The following ABCA1 variants were observed in gnomAD, a reference collection of about 807,000 sequenced individuals.
ABCA1 encodes the protein phospholipid-transporting ATPase ABCA1.
ABCA1 carries 133 observed loss-of-function variants against 262.5 expected under a neutral mutation model. That is an observed-to-expected ratio of 0.51 (90% confidence interval 0.44 to 0.59). The LOEUF is 0.59. Among genes scored for constraint, ABCA1 ranks in the 20% least tolerant of loss-of-function variants. The pLI is 0.00. For synonymous variants in ABCA1, 1,022 were observed against 1,043.5 expected (o/e 0.98, Z 0.40); for missense variants, 2,452 against 2,777.5 (o/e 0.88, Z 2.63).
rs999422560 is a variant in ABCA1 at position 104,781,644 on chromosome 9, G to GT, written c.*2670dup. The GT allele has an allele frequency of 8.5e-5, 13 of 152,584 alleles. No individual in the cohort carries two copies. Among genetic ancestry groups the GT allele is most frequent in the African/African-American group, 3.1e-4 (13 of 41,450 alleles). The allele number at this position is 152,584 out of a possible 1,614,324, so 9.5% of individuals were successfully genotyped here. ...AAATACAGTAGTGTGAGGTTTGGTT[G>GT]TTTTTTAACAATGAATTGTGCTGGG... On this transcript the variant is annotated 3_prime_UTR_variant, in exon 50 of 50. Transcript: ENST00000374736.
At chr9:104,801,704 G>A (rs1830354480) in intron 34 of ABCA1, among the ~76,000 whole-genome samples, 1 of 151,992 alleles carries the variant, frequency 6.6e-6, no homozygotes, top group African/African-American at 2.4e-5. Flanking sequence ...ACCAAGCCCA[G>A]CTAATTTTTT....
intron 1 of ABCA1, among the ~76,000 whole-genome samples, chr9:104,905,198 A>G (rs1323318523): frequency 6.6e-6 from 1 of 152,214 alleles, no homozygotes; most frequent in South Asian, 2.1e-4. Flanking sequence ...GACACTGGGC[A>G]TGAGGAACAA....
intron 48 of ABCA1, 25 bp from the exon 49 acceptor site, chr9:104,785,664 A>G: frequency 6.2e-7 from 1 of 1,613,356 alleles, no homozygotes; most frequent in South Asian, 1.1e-5. Context: ...AAATACCCAA[A>G]TGGAGGATCT....
At chr9:104,856,916 G>C (rs942168714) in intron 7 of ABCA1, among the ~76,000 whole-genome samples, 1 of 152,098 alleles carries the variant, frequency 6.6e-6, no homozygotes, top group African/African-American at 2.4e-5. Context: ...AGACCAACAG[G>C]CTGCAAATGT....
At position 104,782,951 on chromosome 9, in the gene ABCA1, G is replaced by A. The variant is rs971562203; in HGVS notation, c.*1364C>T. The A allele has an allele frequency of 2.0e-5, 3 of 152,488 alleles. No homozygotes were observed. The South Asian group carries it at 6.2e-4, about 32-fold the overall frequency. The allele number at this position is 152,488 out of a possible 1,614,324, so 9.4% of individuals were successfully genotyped here. On this transcript the variant is annotated 3_prime_UTR_variant, in exon 50 of 50. Transcript: ENST00000374736. ...CAGTGAGCTGAATAACATGGCACAG[G>A]AAGTGTACTGAGACTTAATATCTCT... is the stretch of plus-strand genomic sequence containing the variant.
At chr9:104,827,400 G>C (rs1043359836) in intron 15 of ABCA1, among the ~76,000 whole-genome samples, 4 of 152,180 alleles carry the variant, frequency 2.6e-5, no homozygotes, top group African/African-American at 4.8e-5. Flanking sequence ...ATACAACAGA[G>C]TCCAGGGCTT....
intron 8 of ABCA1, among the ~76,000 whole-genome samples, chr9:104,844,132 TA>T (rs1445505144): frequency 8.6e-5 from 13 of 151,832 alleles, no homozygotes; most frequent in Admixed American, 2.0e-4. Context: ...TTGCTTTCTC[TA>T]AGGCCAGAAA....
rs146460979 is a variant in ABCA1, at chr9:104,921,470, C to A, written c.-93+6465G>T. Among the ~76,000 whole-genome samples, 53 of 152,242 alleles carry A rather than the reference C, an allele frequency of 3.5e-4. 2 individuals are homozygous for A. The East Asian group carries it at 8.7e-3, about 25-fold the overall frequency. ...ACTCAAAGTACTTGAATATGGAATG[C>A]CACAGACTAGAGCATTTTCTTAAAT... On this transcript the variant is annotated intron_variant, in intron 1 of 49. Coordinates refer to ENST00000374736, the MANE Select transcript of ABCA1 (RefSeq NM_005502.4).
At chr9:104,829,944 AC>A (rs1833121187) in intron 14 of ABCA1, among the ~76,000 whole-genome samples, 1 of 38,984 alleles carries the variant, frequency 2.6e-5, no homozygotes, top group Non-Finnish European at 4.3e-5. Context: ...CCTGATCCCT[AC>A]ACACACACAC....
chr9:104,921,037 A>G (rs1033678563), intron 1 of ABCA1, among the ~76,000 whole-genome samples: 10 of 152,148 alleles, frequency 6.6e-5, no homozygotes, highest in African/African-American at 2.4e-4. Flanking sequence ...GTTCTTTTTC[A>G]CCAATATTTG....
At chr9:104,801,876 G>A (rs1204407529) in intron 34 of ABCA1, among the ~76,000 whole-genome samples, 178 bp downstream of exon 34, 1 of 152,130 alleles carries the variant, frequency 6.6e-6, no homozygotes, top group African/African-American at 2.4e-5. Flanking sequence ...ACTTTTAAAC[G>A]TACAACTAAG....
chr9:104,919,997 T>C (rs1842055591), intron 1 of ABCA1, among the ~76,000 whole-genome samples: 1 of 152,240 alleles, frequency 6.6e-6, no homozygotes, highest in Admixed American at 6.5e-5. Context: ...TCCTCAGATC[T>C]CTAGATGGCT....
intron 1 of ABCA1, among the ~76,000 whole-genome samples, chr9:104,909,605 AATACACACAC>A (rs1351376075): frequency 9.0e-6 from 1 of 111,518 alleles, no homozygotes; most frequent in Non-Finnish European, 1.8e-5. Flanking sequence ...TGGCAAAAGA[AATACACACAC>A]ACACACACAC....
intron 37 of ABCA1, among the ~76,000 whole-genome samples, chr9:104,797,221 A>C (rs1253661596): frequency 1.3e-5 from 2 of 152,246 alleles, no homozygotes; most frequent in Non-Finnish European, 2.9e-5. Flanking sequence ...TATGCCTGGC[A>C]TAAGTCAGAC....
At chr9:104,786,838 T>A (rs774320813) in intron 47 of ABCA1, 35 bp downstream of exon 47, 1 of 1,557,832 alleles carries the variant, frequency 6.4e-7, no homozygotes, top group South Asian at 1.1e-5. Context: ...AGTTAAAACA[T>A]CCCACAGTGA....
At chr9:104,828,884 C>A (rs756907093) in intron 15 of ABCA1, 32 bp downstream of exon 15, 5 of 1,610,372 alleles carry the variant, frequency 3.1e-6, no homozygotes, top group Non-Finnish European at 3.4e-6. Context: ...TCGGAGTTTC[C>A]TGGCAGGGAA....
intron 2 of ABCA1, among the ~76,000 whole-genome samples, chr9:104,891,119 T>A (rs1404259586): frequency 6.6e-6 from 1 of 152,260 alleles, no homozygotes; most frequent in Admixed American, 6.5e-5. Flanking sequence ...GAATAGATCA[T>A]AATTGAACCT....
At chr9:104,820,237 A>G (rs1017179232) in intron 20 of ABCA1, among the ~76,000 whole-genome samples, 168 bp from the exon 21 acceptor site, 1 of 152,248 alleles carries the variant, frequency 6.6e-6, no homozygotes, top group African/African-American at 2.4e-5. Flanking sequence ...GTAGAACAAC[A>G]GTGAGCAACC....
rs935503226 is a variant in ABCA1 at position 104,927,941 on chromosome 9, T to A, written c.-99A>T. ...TCACTGGAGAGCCTCTTACCTGTTT[T>A]CCACTTTTGTGTTTGCGTCTCTTTC... is the stretch of plus-strand genomic sequence containing the variant. On this transcript the variant is annotated 5_prime_UTR_variant, in exon 1 of 50. Transcript: ENST00000374736. 6.6e-5 allele frequency: 10 copies of A among 152,280 alleles called. No individual in the cohort carries two copies. The highest frequency in any genetic ancestry group is 1.3e-4 in the Non-Finnish European group (9 of 68,060). 9.4% of individuals were successfully genotyped at this position (152,280 alleles called of 1,614,324 possible). A position where few individuals can be genotyped will look rare whatever the true frequency, so the allele number is the denominator to read the frequency against.
Sources: allele counts gnomAD v4.1 joint callset (sites outside exome capture counted in the v4.1 genomes callset), GRCh38; gene constraint gnomAD v4.1.1; transcripts MANE v1.5; gene names NCBI Gene and HGNC (gene_info 2026-07-23, HGNC 2026-07-21).